Variants in BCL7C observed in about 807,000 individuals in gnomAD.
The protein encoded by BCL7C is BAF chromatin remodeling complex subunit BCL7C.
A neutral mutation model predicts 26.2 loss-of-function variants in BCL7C; 8 were observed. That is an observed-to-expected ratio of 0.30 (90% CI 0.18 to 0.55). The LOEUF (loss-of-function observed/expected upper bound fraction) is 0.55. Among genes scored for constraint, BCL7C ranks in the 20% least tolerant of loss-of-function variants. BCL7C has a pLI of 0.93. For synonymous variants in BCL7C, 90 were observed against 116.5 expected (o/e 0.77, Z 1.47); for missense variants, 262 against 298.5 (o/e 0.88, Z 0.90).
intron 5 of BCL7C, among the ~76,000 whole-genome samples, chr16:30,878,400 G>C (rs1415430604): frequency 1.2e-4 from 6 of 49,082 alleles, no homozygotes; most frequent in Non-Finnish European, 5.8e-4. Flanking sequence ...TTAGCTGGGT[G>C]TGGTGGCACG....
At chr16:30,860,640 A>C (rs2054763216) in intron 5 of BCL7C, among the ~76,000 whole-genome samples, 1 of 152,196 alleles carries the variant, frequency 6.6e-6, no homozygotes, top group East Asian at 1.9e-4. Flanking sequence ...CAAGATCTAG[A>C]TAATGCTTGT....
chr16:30,868,609 A>C (rs913352208), intron 5 of BCL7C, among the ~76,000 whole-genome samples: 1 of 151,384 alleles, frequency 6.6e-6, no homozygotes, highest in Non-Finnish European at 1.5e-5. Context: ...AACATGGAGA[A>C]ACCTGGTCTC....
chr16:30,880,670 T>G (rs2055029620), intron 5 of BCL7C, among the ~76,000 whole-genome samples: 1 of 152,128 alleles, frequency 6.6e-6, no homozygotes, highest in South Asian at 2.1e-4. Flanking sequence ...CTTATGCAGA[T>G]GTATGCATTT....
chr16:30,889,059 G>T (rs1194591043), intron 4 of BCL7C, 114 bp from the exon 5 acceptor site: 2 of 983,020 alleles, frequency 2.0e-6, no homozygotes, highest in Non-Finnish European at 3.2e-6. Context: ...AGGGCCATGG[G>T]AGCAGAGAGG....
intron 5 of BCL7C, chr16:30,835,219 G>T: frequency 7.4e-7 from 1 of 1,348,394 alleles, no homozygotes; most frequent in African/African-American, 1.5e-5. Flanking sequence ...CCACCAACTT[G>T]TCCCATTTAT....
chr16:30,881,754 G>C (rs1221070947), intron 5 of BCL7C, among the ~76,000 whole-genome samples: 5 of 152,032 alleles, frequency 3.3e-5, no homozygotes, highest in Non-Finnish European at 7.4e-5. Flanking sequence ...CCCTTCCCCA[G>C]AAACTTGCAA....
Position 30,893,947 on chromosome 16 carries a change from TGGCGGGGCTGGGGCCGGGGCCGAGCCCGC to T in BCL7C, c.-32_-4del. 7.2e-6 allele frequency: 11 copies of T among 1,534,650 alleles called. No homozygotes were observed. Among genetic ancestry groups the T allele is most frequent in the Non-Finnish European group, 9.6e-6 (11 of 1,143,448 alleles). On this transcript the variant is annotated 5_prime_UTR_variant, in exon 1 of 6. Transcript: ENST00000215115. This position sits in a 1 kb window ranked among gnomAD's most constrained non-coding sequence, Gnocchi z 5.2. ...GCCCGTACAGTCCGGCCGGCCATGC[TGGCGGGGCTGGGGCCGGGGCCGAGCCCGC>T]GGCGGGGCCGCCTCCCGTCCGGCGG...
rs1359158140 is a variant in BCL7C at position 30,844,371 on chromosome 16, A to T, written c.529-9223T>A. 3.5e-5 allele frequency among the ~76,000 whole-genome samples: 5 copies of T among 143,306 alleles called. No individual in the cohort carries two copies. In the East Asian group the frequency reaches 9.9e-4, roughly 28 times the overall value. 94.0% of individuals were successfully genotyped at this position (143,306 alleles called of 152,430 possible). ...CTCAAAAAAAAAAAAAAAAAAAAAAAAAAGGGAAAAAACAAACAAACTAGC... is the reference window on the plus strand; with the variant it reads ...CTCAAAAAAAAAAAAAAAAAAAAAATAAAGGGAAAAAACAAACAAACTAGC... On this transcript the variant is annotated intron_variant, in intron 5 of 5. Transcript: ENST00000380317.
chr16:30,889,071 G>A, intron 4 of BCL7C, 126 bp from the exon 5 acceptor site: 1 of 895,146 alleles, frequency 1.1e-6, no homozygotes, highest in South Asian at 1.5e-5. Context: ...GCAGAGAGGA[G>A]AGAGCAGGAA....
In BCL7C at chr16:30,834,987, C is replaced by A. The variant is rs931036500; in HGVS notation, c.690G>T (p.Pro230=). Reference sequence around the variant, plus strand: ...CCTGGGGGATTGTTCTGGGTGCCCTCGGGGCCTTGCTGCCTCCCCCGGGAG... The same window carrying A: ...CCTGGGGGATTGTTCTGGGTGCCCTAGGGGCCTTGCTGCCTCCCCCGGGAG... Residue 230 remains proline (P), a synonymous_variant, in exon 6 of 6, where the codon CCG becomes CCT. Transcript: ENST00000380317. The surrounding 1 kb of genome is among the most constrained non-coding windows in gnomAD (Gnocchi z 4.3). 1 of 1,547,654 alleles carries A rather than the reference C, an allele frequency of 6.5e-7. No homozygotes were observed. Among genetic ancestry groups the A allele is most frequent in the African/African-American group, 1.4e-5 (1 of 73,078 alleles).
chr16:30,836,733 C>T (rs1037346071), intron 5 of BCL7C, among the ~76,000 whole-genome samples: 39 of 151,932 alleles, frequency 2.6e-4, no homozygotes, highest in Non-Finnish European at 1.2e-4. Context: ...ACTTCAGCCT[C>T]CCAAAGTGCT....
chr16:30,847,149 G>A (rs1215249400), intron 5 of BCL7C, among the ~76,000 whole-genome samples: 1 of 152,166 alleles, frequency 6.6e-6, no homozygotes, highest in Non-Finnish European at 1.5e-5. Flanking sequence ...ATTGCTGAAA[G>A]TCAAACACAT....
chr16:30,872,942 C>G (rs1163540568), intron 5 of BCL7C, among the ~76,000 whole-genome samples: 1 of 152,146 alleles, frequency 6.6e-6, no homozygotes, highest in African/African-American at 2.4e-5. Flanking sequence ...CCTGGAGAAC[C>G]GTAAATCAGA....
intron 5 of BCL7C, chr16:30,851,870 T>G (rs2054677610): frequency 4.2e-6 from 1 of 239,486 alleles, no homozygotes; most frequent in African/African-American, 2.3e-5. Context: ...CATCACAATC[T>G]GATCAAGAAA....
In BCL7C at chr16:30,893,103, G is replaced by T; in HGVS notation, c.171+109C>A. 1.5e-6 allele frequency: 2 copies of T among 1,290,988 alleles called. No individual in the cohort carries two copies. Among genetic ancestry groups the T allele is most frequent in the Non-Finnish European group, 2.2e-6 (2 of 913,076 alleles). 80.0% of individuals were successfully genotyped at this position (1,290,988 alleles called of 1,614,324 possible). On this transcript the variant is annotated intron_variant, in intron 2 of 5. Transcript: ENST00000215115. This position sits in a 1 kb window ranked among gnomAD's most constrained non-coding sequence, Gnocchi z 5.2. Reference sequence around the variant, plus strand: ...GAGCTGCTAATGATGGTTCCCGTCTGTCCTGCTGCATCTGAGGTCTCGGGG... The same window carrying T: ...GAGCTGCTAATGATGGTTCCCGTCTTTCCTGCTGCATCTGAGGTCTCGGGG...
chr16:30,863,368 G>T (rs2054794614), intron 5 of BCL7C, among the ~76,000 whole-genome samples: 1 of 152,084 alleles, frequency 6.6e-6, no homozygotes, highest in Admixed American at 6.5e-5. Flanking sequence ...AATTTATACT[G>T]ACTCTAAATA....
At chr16:30,882,300 C>A (rs2055055593) in intron 5 of BCL7C, among the ~76,000 whole-genome samples, 1 of 152,092 alleles carries the variant, frequency 6.6e-6, no homozygotes, top group Admixed American at 6.6e-5. Flanking sequence ...CAGTGCCCAG[C>A]AAACAGTAAG....
In BCL7C at chr16:30,864,370, G is replaced by T. The variant is rs146697871; in HGVS notation, c.528+24490C>A. Among the ~76,000 whole-genome samples, 682 of 152,142 alleles carry T rather than the reference G, an allele frequency of 4.5e-3. 1 individual carries two copies. The highest frequency in any genetic ancestry group is 7.1e-3 in the Non-Finnish European group (480 of 68,012). ...CCTATTTTTCTCCTTCTTTTATTCA[G>T]ATCTTGTGTCTTCTGTTTAGTTTCT... On this transcript the variant is annotated intron_variant, in intron 5 of 5. Coordinates refer to the BCL7C transcript ENST00000380317.
At chr16:30,891,012 AAAAC>A (rs2055218922) in intron 4 of BCL7C, among the ~76,000 whole-genome samples, 2 of 151,974 alleles carry the variant, frequency 1.3e-5, no homozygotes, top group East Asian at 1.9e-4. Flanking sequence ...ATAAACAAAA[AAAAC>A]AAAAATCAGC....
Sources: allele counts gnomAD v4.1 joint callset (sites outside exome capture counted in the v4.1 genomes callset), GRCh38; gene constraint gnomAD v4.1.1; non-coding constraint Gnocchi (gnomAD v3.1); transcripts MANE v1.5; gene names NCBI Gene and HGNC (gene_info 2026-07-23, HGNC 2026-07-21).